Variants in OPCML observed in about 807,000 individuals in gnomAD.
OPCML encodes the protein opioid binding protein/cell adhesion molecule like, also known as opioid-binding protein/cell adhesion molecule.
In OPCML, 13 loss-of-function variants were observed where a neutral mutation model predicts 37.8. The ratio of observed to expected loss-of-function variants is 0.34; its 90% CI spans 0.22 to 0.55. The LOEUF is 0.55. Ranked by LOEUF, OPCML falls within the 20% of genes least tolerant of loss-of-function variation. The pLI, the probability that OPCML is intolerant of heterozygous loss-of-function variation, is 0.91. For missense variants in OPCML, 341 were observed against 435.6 expected (o/e 0.78, Z 1.93); for synonymous variants, 176 against 168.8 (o/e 1.04, Z -0.33).
At chr11:133,244,918 G>A (rs181029980) in intron 1 of OPCML, among the ~76,000 whole-genome samples, 3 of 152,346 alleles carry the variant, frequency 2.0e-5, no homozygotes, top group African/African-American at 2.4e-5. Context: ...GAAGGTCTGA[G>A]GGGGGAGACA....
At chr11:132,768,882 C>A (rs887949516) in intron 2 of OPCML, among the ~76,000 whole-genome samples, 1 of 151,918 alleles carries the variant, frequency 6.6e-6, no homozygotes, top group African/African-American at 2.4e-5. Context: ...TGGGAAGAAG[C>A]GGGAGGAGAA....
intron 2 of OPCML, among the ~76,000 whole-genome samples, chr11:132,904,419 A>T (rs946390781): frequency 6.6e-6 from 1 of 152,240 alleles, no homozygotes; most frequent in Non-Finnish European, 1.5e-5. Context: ...TTTAGATGGA[A>T]TGTCATCTTG....
intron 1 of OPCML, chr11:133,026,344 A>G: frequency 1.0e-6 from 1 of 970,430 alleles, no homozygotes; most frequent in Non-Finnish European, 1.2e-6. Context: ...CCTGAGACTT[A>G]TCCACGCGTA....
intron 4 of OPCML, among the ~76,000 whole-genome samples, chr11:132,441,522 AG>A (rs1239297734): frequency 6.6e-6 from 1 of 152,188 alleles, no homozygotes; most frequent in Non-Finnish European, 1.5e-5. Context: ...CTTGTCAAAC[AG>A]GAACTGCAAG....
chr11:133,204,947 G>C (rs112585684), intron 1 of OPCML, among the ~76,000 whole-genome samples: 5 of 133,870 alleles, frequency 3.7e-5, no homozygotes, highest in African/African-American at 1.4e-4. Flanking sequence ...CCTCTTTCTT[G>C]GAACACTGCT....
intron 1 of OPCML, among the ~76,000 whole-genome samples, chr11:133,233,545 A>C (rs1406378867): frequency 6.6e-6 from 1 of 152,176 alleles, no homozygotes; most frequent in Non-Finnish European, 1.5e-5. Flanking sequence ...ACCCAACTAA[A>C]ACACCCCTTA....
intron 1 of OPCML, among the ~76,000 whole-genome samples, chr11:133,450,917 G>A (rs1453765889): frequency 6.6e-6 from 1 of 151,650 alleles, no homozygotes; most frequent in Non-Finnish European, 1.5e-5. Context: ...TGAAAAGTAT[G>A]TAATATCAAT....
chr11:132,563,599 C>T (rs2096415471), intron 3 of OPCML, among the ~76,000 whole-genome samples: 1 of 151,728 alleles, frequency 6.6e-6, no homozygotes, highest in African/African-American at 2.4e-5. Flanking sequence ...TTGGTTAATT[C>T]TATGTTATAC....
At position 132,419,074 on chromosome 11, in the gene OPCML, T is replaced by A. The variant is rs1486593412; in HGVS notation, c.*1119A>T. 6.6e-6 allele frequency: 1 copy of A among 152,658 alleles called. No individual in the cohort carries two copies. The highest frequency in any genetic ancestry group is 1.5e-5 in the Non-Finnish European group (1 of 68,038). 9.5% of individuals were successfully genotyped at this position (152,658 alleles called of 1,614,324 possible). A position where few individuals can be genotyped will look rare whatever the true frequency, so the allele number is the denominator to read the frequency against. ...TTAAAGAGTCCACAACACAGGGTAT[T>A]GCTTTTGTATTTTGTTAACCTGTGA... On this transcript the variant is annotated 3_prime_UTR_variant, in exon 8 of 8. Transcript: ENST00000524381.
chr11:132,427,077 A>G (rs1033325177), intron 7 of OPCML, among the ~76,000 whole-genome samples: 2 of 152,220 alleles, frequency 1.3e-5, no homozygotes, highest in Non-Finnish European at 2.9e-5. Flanking sequence ...TATGACATCG[A>G]TCTCCAGCAA....
intron 2 of OPCML, among the ~76,000 whole-genome samples, chr11:132,706,019 G>T (rs565296258): frequency 2.6e-5 from 4 of 152,050 alleles, no homozygotes; most frequent in East Asian, 3.9e-4. Context: ...TGTTGGCCAG[G>T]CTGGTCTCAA....
intron 4 of OPCML, among the ~76,000 whole-genome samples, chr11:132,449,169 A>G (rs2096062605): frequency 6.6e-6 from 1 of 152,234 alleles, no homozygotes. Flanking sequence ...ATTTCAAGGT[A>G]GCTCTCATCT....
chr11:132,802,035 A>G (rs1938685068), intron 2 of OPCML, among the ~76,000 whole-genome samples: 1 of 152,126 alleles, frequency 6.6e-6, no homozygotes, highest in African/African-American at 2.4e-5. Flanking sequence ...TTCACCATCT[A>G]AGTAAATAGC....
chr11:133,433,857 T>C (rs1275756926), intron 1 of OPCML, among the ~76,000 whole-genome samples: 2 of 152,112 alleles, frequency 1.3e-5, no homozygotes, highest in African/African-American at 4.8e-5. Flanking sequence ...TTAGCTCATA[T>C]CCACACAGAA....
chr11:133,331,327 G>A (rs1316766091), intron 1 of OPCML, among the ~76,000 whole-genome samples: 2 of 152,126 alleles, frequency 1.3e-5, no homozygotes, highest in East Asian at 3.8e-4. Context: ...TGGGTGACAA[G>A]GACAGCTGAC....
chr11:132,530,424 G>A (rs370863575), intron 3 of OPCML, among the ~76,000 whole-genome samples: 10 of 151,788 alleles, frequency 6.6e-5, no homozygotes, highest in South Asian at 4.2e-4. Context: ...GCCTCCCACC[G>A]TGAACCTTCC....
At chr11:132,703,641 A>G (rs1943917465) in intron 2 of OPCML, among the ~76,000 whole-genome samples, 1 of 152,208 alleles carries the variant, frequency 6.6e-6, no homozygotes, top group Admixed American at 6.5e-5. Flanking sequence ...TGCATATGTC[A>G]GTGAGCAAGC....
chr11:132,818,785 G>A (rs1294450007), intron 2 of OPCML, among the ~76,000 whole-genome samples: 1 of 149,408 alleles, frequency 6.7e-6, no homozygotes, highest in African/African-American at 2.4e-5. Flanking sequence ...ACCATATATG[G>A]GGGAGGGGGG....
At chr11:132,727,424 C>T (rs1350933217) in intron 2 of OPCML, among the ~76,000 whole-genome samples, 1 of 152,206 alleles carries the variant, frequency 6.6e-6, no homozygotes, top group Non-Finnish European at 1.5e-5. Flanking sequence ...TGGAGGCCTC[C>T]TCTGTGCCAG....
Sources: allele counts gnomAD v4.1 joint callset (sites outside exome capture counted in the v4.1 genomes callset), GRCh38; gene constraint gnomAD v4.1.1; transcripts MANE v1.5; gene names NCBI Gene and HGNC (gene_info 2026-07-23, HGNC 2026-07-21).